UBTF: variants seen among roughly 807,000 people sequenced by gnomAD.
UBTF encodes the protein nucleolar transcription factor 1.
A neutral mutation model predicts 112.3 loss-of-function variants in UBTF; 8 were observed. The observed-to-expected ratio is 0.07, with a 90% CI of 0.04 to 0.13. The LOEUF (loss-of-function observed/expected upper bound fraction) is 0.13, where lower values mean the gene tolerates loss of function less well. Among genes scored for constraint, UBTF ranks in the 10% least tolerant of loss-of-function variants. UBTF has a pLI of 1.00. For synonymous variants in UBTF, 417 were observed against 373.1 expected (o/e 1.12, Z -1.36); for missense variants, 457 against 982.1 (o/e 0.47, Z 7.15).
intron 13 of UBTF, 68 bp from the exon 14 acceptor site, chr17:44,210,541 C>A: frequency 6.8e-7 from 1 of 1,470,516 alleles, no homozygotes; most frequent in Non-Finnish European, 8.9e-7. Context: ...CGCGCAGCAG[C>A]CCAGGCGCTC....
At chr17:44,210,575 CT>C (rs1010317286) in intron 13 of UBTF, 102 bp from the exon 14 acceptor site, 4 of 1,439,494 alleles carry the variant, frequency 2.8e-6, no homozygotes, top group Non-Finnish European at 3.6e-6. Context: ...GAAGCATGGG[CT>C]GGTGCAGATG....
At chr17:44,219,054 T>A (rs2047021341) in intron 1 of UBTF, 1 of 139,284 alleles carries the variant, frequency 7.2e-6, no homozygotes, top group African/African-American at 2.7e-5. Flanking sequence ...AACCGCCGCC[T>A]CCTCCCCCGA....
At chr17:44,219,030 G>T (rs1443978214) in intron 1 of UBTF, 2 of 148,708 alleles carry the variant, frequency 1.3e-5, no homozygotes, top group Non-Finnish European at 3.0e-5. Context: ...GCACAGAGGC[G>T]CGACCGCGGC....
rs777658491 is a variant in UBTF at position 44,210,124 on chromosome 17, C to T, written c.1626G>A (p.Glu542=). The T allele has an allele frequency of 2.5e-6, 4 of 1,614,186 alleles. No individual in the cohort carries two copies. The South Asian group carries it at 3.3e-5, about 13-fold the overall frequency. The change falls in exon 15 of 21, where the codon GAG becomes GAA. Residue 542 remains glutamate, a splice_region_variant and synonymous_variant. Coordinates refer to ENST00000436088, the MANE Select transcript of UBTF (RefSeq NM_014233.4). ...KKAAEDQKRY[E]RELSEMRAPP... ...GGGGTGGCCCCAGCCCCATTCCTAC[C>T]TCATATCGCTTTTGGTCTTCGGCTG...
chr17:44,208,082 C>T (rs1385226145), intron 17 of UBTF, among the ~76,000 whole-genome samples, 171 bp from the exon 18 acceptor site: 1 of 143,592 alleles, frequency 7.0e-6, no homozygotes, highest in African/African-American at 2.7e-5. Flanking sequence ...GATCTGAGAA[C>T]ACAGCTCTAA....
chr17:44,207,138 A>C lies in UBTF; in HGVS notation c.*104T>G. ...TTTAAAGAAAGAAAGAAAGTGGGGG[A>C]GGCCAGGGGGGCAAGGGACAGAACA... On this transcript the variant is annotated 3_prime_UTR_variant, in exon 21 of 21. Coordinates refer to ENST00000436088, the MANE Select transcript of UBTF (RefSeq NM_014233.4). 3 of 1,125,538 alleles carry C rather than the reference A, an allele frequency of 2.7e-6. No individual in the cohort carries two copies. The highest frequency in any genetic ancestry group is 2.5e-6 in the Non-Finnish European group (2 of 804,324). The allele number at this position is 1,125,538 out of a possible 1,614,324, so 69.7% of individuals were successfully genotyped here. A position where few individuals can be genotyped will look rare whatever the true frequency, so the allele number is the denominator to read the frequency against.
Position 44,212,021 on chromosome 17 carries a change from G to C in UBTF, c.772-15C>G, listed in dbSNP as rs200750648. Reference sequence around the variant, plus strand: ...CTCATGATCTCCTGCAGAGCCAGGTGGGGGGACGGAGGGCAATGGGGTGTG... The same window carrying C: ...CTCATGATCTCCTGCAGAGCCAGGTCGGGGGACGGAGGGCAATGGGGTGTG... On this transcript the variant is annotated splice_polypyrimidine_tract_variant and intron_variant, in intron 8 of 20. Coordinates refer to ENST00000436088, the MANE Select transcript of UBTF (RefSeq NM_014233.4). 31 of 1,611,522 alleles carry C rather than the reference G, an allele frequency of 1.9e-5. No individual in the cohort carries two copies. The Admixed American group carries it at 4.0e-4, about 21-fold the overall frequency.
intron 13 of UBTF, 80 bp from the exon 14 acceptor site, chr17:44,210,553 C>G: frequency 6.9e-7 from 1 of 1,459,224 alleles, no homozygotes; most frequent in Non-Finnish European, 9.0e-7. Context: ...CAGGCGCTCC[C>G]GCCGGCGGGC....
Position 44,211,337 on chromosome 17 carries a change from A to G in UBTF, c.1048-6T>C, listed in dbSNP as rs760854754. The G allele has an allele frequency of 2.4e-5, 39 of 1,613,930 alleles. No homozygotes were observed. The highest frequency in any genetic ancestry group is 3.1e-5 in the Non-Finnish European group (37 of 1,180,014). On this transcript the variant is annotated splice_polypyrimidine_tract_variant and splice_region_variant and intron_variant, in intron 10 of 20. Coordinates refer to ENST00000436088, the MANE Select transcript of UBTF (RefSeq NM_014233.4). This position sits in a 1 kb window ranked among gnomAD's most constrained non-coding sequence, Gnocchi z 4.9. ...ACCTCGTAATCTTTCTTTTTCTGGG[A>G]AAGTGAGTGGAGTCAGGATCAGTCT...
intron 5 of UBTF, among the ~76,000 whole-genome samples, chr17:44,214,102 C>A (rs1158581857): frequency 6.6e-6 from 1 of 152,164 alleles, no homozygotes; most frequent in African/African-American, 2.4e-5. Flanking sequence ...TCTCTTGGCT[C>A]CCACACAATG....
At position 44,210,930 on chromosome 17, in the gene UBTF, G is replaced by A. The variant is rs770796350; in HGVS notation, c.1221C>T (p.Pro407=). The A allele has an allele frequency of 6.2e-7, 1 of 1,607,800 alleles. No individual in the cohort carries two copies. The highest frequency in any genetic ancestry group is 2.2e-5 in the East Asian group (1 of 44,834). ...QEGGKGGSEK[P]KRPVSAMFIF... ...TGAACATGGCCGACACGGGCCGCTT[G>A]GGCTTCTCGGAGCCGCCCTGTCCAG... is the stretch of plus-strand genomic sequence containing the variant. Residue 407 remains proline (P), a synonymous_variant, in exon 13 of 21, where the codon CCC becomes CCT. Transcript: ENST00000436088.
At position 44,205,578 on chromosome 17, in the gene UBTF, GGCAAA is replaced by G. The variant is rs1438459467; in HGVS notation, c.*1659_*1663del. The G allele has an allele frequency of 1.3e-5, 2 of 152,124 alleles. No homozygotes were observed. Among genetic ancestry groups the G allele is most frequent in the Non-Finnish European group, 2.9e-5 (2 of 68,060 alleles). 9.4% of individuals were successfully genotyped at this position (152,124 alleles called of 1,614,324 possible). A position where few individuals can be genotyped will look rare whatever the true frequency, so the allele number is the denominator to read the frequency against. On this transcript the variant is annotated 3_prime_UTR_variant, in exon 21 of 21. Coordinates refer to ENST00000436088, the MANE Select transcript of UBTF (RefSeq NM_014233.4). ...CCCCACCCCCAGCACCAAGGTCCAAGGCAAAGCAGAGACTGTCTGCCTTCCTTTGG... is the reference window on the plus strand; with the variant it reads ...CCCCACCCCCAGCACCAAGGTCCAAGGCAGAGACTGTCTGCCTTCCTTTGG...
At chr17:44,216,347 C>T (rs1346152037) in intron 3 of UBTF, 182 bp downstream of exon 3, 1 of 717,624 alleles carries the variant, frequency 1.4e-6, no homozygotes, top group Non-Finnish European at 2.4e-6. Flanking sequence ...AGTGGCATAA[C>T]TTTAAGCCAG....
At chr17:44,209,181 AAAAT>A in intron 17 of UBTF, 167 bp downstream of exon 17, 1 of 682,370 alleles carries the variant, frequency 1.5e-6, no homozygotes, top group Non-Finnish European at 2.2e-6. Flanking sequence ...AATAAAAAAA[AAAAT>A]AAAAATAAAA....
chr17:44,211,223 C>T lies in UBTF; in HGVS notation c.1089+67G>A. 1.2e-6 allele frequency: 2 copies of T among 1,613,810 alleles called. No individual in the cohort carries two copies. Among genetic ancestry groups the T allele is most frequent in the African/African-American group, 1.3e-5 (1 of 75,056 alleles). ...CTGCATGGTGCCCTATCTCCAGGGG[C>T]TCACCAGGGCTCTGCCTGCCAAGTC... On this transcript the variant is annotated intron_variant, in intron 11 of 20. Coordinates refer to ENST00000436088, the MANE Select transcript of UBTF (RefSeq NM_014233.4). This position sits in a 1 kb window ranked among gnomAD's most constrained non-coding sequence, Gnocchi z 4.9.
intron 1 of UBTF, 148 bp downstream of exon 1, chr17:44,219,297 G>A (rs1382399126): frequency 6.6e-6 from 1 of 150,690 alleles, no homozygotes; most frequent in African/African-American, 2.4e-5. Flanking sequence ...CCCGGCTCTC[G>A]GCGTCCTCCC....
intron 5 of UBTF, 28 bp downstream of exon 5, chr17:44,215,626 C>A: frequency 1.2e-6 from 2 of 1,611,710 alleles, no homozygotes; most frequent in Non-Finnish European, 1.7e-6. Context: ...CCTCTCCCCT[C>A]CTCCCACCTT....
At chr17:44,210,034 C>A (rs2056549947) in intron 15 of UBTF, 90 bp downstream of exon 15, 3 of 1,352,574 alleles carry the variant, frequency 2.2e-6, no homozygotes, top group Non-Finnish European at 3.2e-6. Flanking sequence ...GAGTCACAGA[C>A]CAAGGCTGGG....
chr17:44,208,154 G>A (rs1426242926), intron 17 of UBTF, among the ~76,000 whole-genome samples: 1 of 145,006 alleles, frequency 6.9e-6, no homozygotes, highest in Non-Finnish European at 1.5e-5. Flanking sequence ...CCAGGCTGGA[G>A]TGCAGTGGCA....
Sources: gnomAD v4.1 joint callset for allele counts (sites outside exome capture counted in the v4.1 genomes callset) on GRCh38, gnomAD v4.1.1 for gene constraint, Gnocchi (gnomAD v3.1) non-coding constraint, MANE v1.5 for transcripts, NCBI Gene and HGNC (gene_info 2026-07-23, HGNC 2026-07-21) for gene names.